The following LRRC27 variants were observed in gnomAD, a reference collection of about 807,000 sequenced individuals.
LRRC27 encodes the protein leucine-rich repeat-containing protein 27.
LRRC27 carries 57 observed loss-of-function variants against 55.0 expected under a neutral mutation model. The ratio of observed to expected loss-of-function variants is 1.04; its 90% CI spans 0.84 to 1.29. The LOEUF is 1.29. Ranked by LOEUF, LRRC27 falls within the 50% of genes most tolerant of loss-of-function variation. LRRC27 has a pLI of 0.00. For missense variants in LRRC27, 721 were observed against 651.5 expected (o/e 1.11, Z -1.16); for synonymous variants, 278 against 251.9 (o/e 1.10, Z -0.98).
At chr10:132,352,887 T>G (rs1179794921) in intron 7 of LRRC27, 1 of 1,613,970 alleles carries the variant, frequency 6.2e-7, no homozygotes. Context: ...CTCAGTCCTT[T>G]CCTCCTCATT....
At chr10:132,331,699 GC>G, upstream of LRRC27, 1 of 1,612,624 alleles carries the variant, frequency 6.2e-7, no homozygotes, top group Non-Finnish European at 8.5e-7. Flanking sequence ...AGCCCCGCCC[GC>G]CCCGGGCCCT....
At chr10:132,331,552 C>G (rs780961423), upstream of LRRC27, 5 of 1,612,818 alleles carry the variant, frequency 3.1e-6, no homozygotes, top group Non-Finnish European at 3.4e-6. Flanking sequence ...TGGGGACAAG[C>G]AGCTCCTGTG....
At position 132,376,041 on chromosome 10, in the gene LRRC27, T is replaced by C. The variant is rs954238510; in HGVS notation, c.*799T>C. The C allele has an allele frequency of 1.1e-4, 17 of 152,254 alleles. No homozygotes were observed. Among genetic ancestry groups the C allele is most frequent in the African/African-American group, 4.1e-4 (17 of 41,474 alleles). 9.4% of individuals were successfully genotyped at this position (152,254 alleles called of 1,614,324 possible). ...GGTGAGACTATTCAGACTTTGTTTA[T>C]TTTTGTGTTAATTTTGGTAAATATG... On this transcript the variant is annotated 3_prime_UTR_variant, in exon 11 of 11. Transcript: ENST00000368614.
intron 10 of LRRC27, among the ~76,000 whole-genome samples, chr10:132,366,065 G>A (rs2069065027): frequency 6.6e-6 from 1 of 152,260 alleles, no homozygotes; most frequent in Non-Finnish European, 1.5e-5. Context: ...AATGTGCCAG[G>A]CCACATGGCG....
Position 132,364,477 on chromosome 10 carries a change from C to CCACACTTACATCTACCTCCA in LRRC27, c.1290-944_1290-943insACTTACATCTACCTCCACAC, listed in dbSNP as rs1554900526. ...CACTCACACCCACCCACACTTACAC[C>CCACACTTACATCTACCTCCA]CACCCACACTTACACCCACCCTTAC... On this transcript the variant is annotated intron_variant, in intron 9 of 10. Coordinates refer to ENST00000368614, the MANE Select transcript of LRRC27 (RefSeq NM_030626.3). Among the ~76,000 whole-genome samples the CCACACTTACATCTACCTCCA allele has an allele frequency of 1.8e-4, 21 of 117,696 alleles. 2 individuals are homozygous for CCACACTTACATCTACCTCCA. The highest frequency in any genetic ancestry group is 2.9e-4 in the Admixed American group (3 of 10,342). 77.2% of individuals were successfully genotyped at this position (117,696 alleles called of 152,430 possible).
intron 9 of LRRC27, among the ~76,000 whole-genome samples, 175 bp downstream of exon 9, chr10:132,361,750 C>A (rs552040688): frequency 6.6e-6 from 1 of 152,182 alleles, no homozygotes; most frequent in South Asian, 2.1e-4. Flanking sequence ...AGCCAGGTAA[C>A]CCTGGAAGAT....
At chr10:132,353,589 G>A (rs1266429500) in intron 7 of LRRC27, among the ~76,000 whole-genome samples, 1 of 152,086 alleles carries the variant, frequency 6.6e-6, no homozygotes, top group African/African-American at 2.4e-5. Flanking sequence ...TCATACTGAC[G>A]GGCAAGGATG....
In LRRC27 at chr10:132,351,763, C is replaced by T. The variant is rs2068023738; in HGVS notation, c.1073+10C>T. Reference sequence around the variant, plus strand: ...TGGAGCAGCAGAGACGGTGAGTCCACACAGGGTGGGGGTCCGCACAGCCCG... The same window carrying T: ...TGGAGCAGCAGAGACGGTGAGTCCATACAGGGTGGGGGTCCGCACAGCCCG... On this transcript the variant is annotated intron_variant, in intron 7 of 10. Coordinates refer to ENST00000368614, the MANE Select transcript of LRRC27 (RefSeq NM_030626.3). The T allele has an allele frequency of 1.9e-6, 3 of 1,608,710 alleles. No individual in the cohort carries two copies. Among genetic ancestry groups the T allele is most frequent in the African/African-American group, 2.7e-5 (2 of 74,664 alleles).
chr10:132,353,357 C>T (rs2068159309), intron 7 of LRRC27: 1 of 1,080,102 alleles, frequency 9.3e-7, no homozygotes, highest in Non-Finnish European at 1.1e-6. Flanking sequence ...CTGTGGCTCA[C>T]CTGCTCCCTC....
At chr10:132,334,891 A>G (rs963350484) in intron 2 of LRRC27, among the ~76,000 whole-genome samples, 1 of 152,240 alleles carries the variant, frequency 6.6e-6, no homozygotes, top group East Asian at 1.9e-4. Flanking sequence ...TACCTTTCAG[A>G]AGACAAATGT....
intron 3 of LRRC27, 45 bp downstream of exon 3, chr10:132,337,740 G>A (rs1193260357): frequency 1.0e-5 from 16 of 1,601,752 alleles, no homozygotes; most frequent in Non-Finnish European, 1.4e-5. Flanking sequence ...TCTTTTCAGT[G>A]CACGAGTGCC....
At chr10:132,339,715 G>A (rs138997456) in intron 3 of LRRC27, among the ~76,000 whole-genome samples, 5 of 152,302 alleles carry the variant, frequency 3.3e-5, no homozygotes, top group Non-Finnish European at 7.4e-5. Context: ...AGAATCACTG[G>A]GTGCTCTTTT....
At position 132,366,980 on chromosome 10, in the gene LRRC27, A is replaced by G. The variant is rs993461121; in HGVS notation, c.1416+1430A>G. On this transcript the variant is annotated intron_variant, in intron 10 of 10. Coordinates refer to ENST00000368614, the MANE Select transcript of LRRC27 (RefSeq NM_030626.3). Reference sequence around the variant, plus strand: ...CCAAGGAGTTTGTATCTGCCTTTAGATAAACTCTTATTCTTTCTAAATCCA... The same window carrying G: ...CCAAGGAGTTTGTATCTGCCTTTAGGTAAACTCTTATTCTTTCTAAATCCA... 10 of 1,262,298 alleles carry G rather than the reference A, an allele frequency of 7.9e-6. No individual in the cohort carries two copies. The African/African-American group carries it at 1.5e-4, about 19-fold the overall frequency. The allele number at this position is 1,262,298 out of a possible 1,614,324, so 78.2% of individuals were successfully genotyped here. A position where few individuals can be genotyped will look rare whatever the true frequency, so the allele number is the denominator to read the frequency against.
At chr10:132,358,232 C>T (rs982650950) in intron 8 of LRRC27, among the ~76,000 whole-genome samples, 1 of 152,230 alleles carries the variant, frequency 6.6e-6, no homozygotes, top group African/African-American at 2.4e-5. Flanking sequence ...AAAAGATGCT[C>T]AGCCTGTGAG....
At chr10:132,330,832 T>A (rs1326698210), upstream of LRRC27, among the ~76,000 whole-genome samples, 1 of 151,540 alleles carries the variant, frequency 6.6e-6, no homozygotes, top group Non-Finnish European at 1.5e-5. Flanking sequence ...CTTACTGTGA[T>A]CTCTTCACAA....
At position 132,379,099 on chromosome 10, in the gene LRRC27, C is replaced by T. The variant is rs546029281; in HGVS notation, c.*3857C>T. On this transcript the variant is annotated 3_prime_UTR_variant, in exon 11 of 11. Transcript: ENST00000368614. ...CTCACCTCTGTGTTCTCGGGGAGTG[C>T]GTGGTGTCAGATCCCATCCTGCTCC... 1.1e-4 allele frequency: 17 copies of T among 148,816 alleles called. No individual in the cohort carries two copies. The South Asian group carries it at 2.4e-3, about 21-fold the overall frequency. 9.2% of individuals were successfully genotyped at this position (148,816 alleles called of 1,614,324 possible).
intron 10 of LRRC27, among the ~76,000 whole-genome samples, chr10:132,371,211 A>G (rs1294480846): frequency 6.6e-6 from 1 of 152,218 alleles, no homozygotes; most frequent in East Asian, 1.9e-4. Flanking sequence ...CCTCGGTGGC[A>G]TGGCGTGCGT....
intron 3 of LRRC27, among the ~76,000 whole-genome samples, chr10:132,338,859 G>A (rs573447022): frequency 2.6e-5 from 4 of 151,930 alleles, no homozygotes; most frequent in South Asian, 2.1e-4. Context: ...ACAGGTGCCC[G>A]CCACCATGCC....
rs1278191992 is a variant in LRRC27, at chr10:132,333,690, G to T, written c.166G>T (p.Gly56Cys). Reference protein sequence around the residue: ...SSPILDLSESGLCRLEEVFRI... With the variant: ...SSPILDLSESCLCRLEEVFRI... ...ACCGATTTTAGACTTGAGTGAAAGT[G>T]GTCTGTGCCGTTTGGAGGAGGTCTT... Residue 56 changes from glycine (G) to cysteine (C), a missense_variant, in exon 2 of 11, where the codon GGT becomes TGT. Coordinates refer to ENST00000368614, the MANE Select transcript of LRRC27 (RefSeq NM_030626.3). The T allele has an allele frequency of 6.2e-7, 1 of 1,613,654 alleles. No individual in the cohort carries two copies. Among genetic ancestry groups the T allele is most frequent in the African/African-American group, 1.3e-5 (1 of 74,912 alleles).
Sources: gnomAD v4.1 joint callset for allele counts (sites outside exome capture counted in the v4.1 genomes callset) on GRCh38, gnomAD v4.1.1 for gene constraint, MANE v1.5 for transcripts, NCBI Gene and HGNC (gene_info 2026-07-23, HGNC 2026-07-21) for gene names.